SEMA4D: variants seen among roughly 807,000 people sequenced by gnomAD.
SEMA4D encodes semaphorin-4D.
Under a neutral mutation model 74.8 loss-of-function variants are expected in SEMA4D, and 22 were observed. The observed-to-expected ratio is 0.29, with a 90% CI of 0.21 to 0.42. SEMA4D has a LOEUF of 0.42. SEMA4D is among the 10% of genes least tolerant of loss of function. The pLI is 1.00. For missense variants in SEMA4D, 937 were observed against 1,118.4 expected, an observed-to-expected ratio of 0.84 and a Z score of 2.31; for synonymous variants, 445 against 463.7, an observed-to-expected ratio of 0.96 and a Z score of 0.52.
intron 4 of SEMA4D, among the ~76,000 whole-genome samples, chr9:89,399,656 C>T (rs1841744446): frequency 6.6e-6 from 1 of 152,148 alleles, no homozygotes; most frequent in South Asian, 2.1e-4. Flanking sequence ...AAAACCTAAA[C>T]CATAAGTATT....
At chr9:89,363,924 C>T in exon 17 of SEMA4D, 2 of 1,614,092 alleles carry the variant, frequency 1.2e-6, no homozygotes, top group Non-Finnish European at 1.7e-6. Flanking sequence ...CCATTCTTCT[C>T]CCAGACAAAG....
intron 4 of SEMA4D, among the ~76,000 whole-genome samples, chr9:89,400,645 C>G (rs897821458): frequency 1.3e-5 from 2 of 152,188 alleles, no homozygotes; most frequent in African/African-American, 2.4e-5. Flanking sequence ...TTTAAAATAG[C>G]CACTTCCTTC....
At chr9:89,466,731 C>T (rs1564895802) in intron 1 of SEMA4D, among the ~76,000 whole-genome samples, 1 of 152,232 alleles carries the variant, frequency 6.6e-6, no homozygotes, top group Non-Finnish European at 1.5e-5. Context: ...CTGCAGCCTA[C>T]ATGGACTGTG....
At chr9:89,383,930 C>G (rs570813365) in intron 13 of SEMA4D, among the ~76,000 whole-genome samples, 1 of 152,098 alleles carries the variant, frequency 6.6e-6, no homozygotes, top group South Asian at 2.1e-4. Flanking sequence ...CTCTCATGCT[C>G]CCATCTCTGT....
At chr9:89,480,202 G>A (rs1260014930) in intron 1 of SEMA4D, among the ~76,000 whole-genome samples, 1 of 152,154 alleles carries the variant, frequency 6.6e-6, no homozygotes, top group East Asian at 1.9e-4. Flanking sequence ...GGTTCTCCAC[G>A]TCCTCACCAG....
chr9:89,457,236 C>T (rs1856156497), intron 1 of SEMA4D, among the ~76,000 whole-genome samples: 1 of 151,974 alleles, frequency 6.6e-6, no homozygotes, highest in Non-Finnish European at 1.5e-5. Flanking sequence ...GAAACCAGCG[C>T]CTGACAGGTG....
chr9:89,386,795 A>T, intron 12 of SEMA4D: 1 of 303,890 alleles, frequency 3.3e-6, no homozygotes, highest in Non-Finnish European at 6.3e-6. Flanking sequence ...GGGGGCTCCC[A>T]TGCTCCACCA....
At chr9:89,471,889 A>G (rs1860415138) in intron 1 of SEMA4D, among the ~76,000 whole-genome samples, 3 of 121,988 alleles carry the variant, frequency 2.5e-5, no homozygotes, top group Middle Eastern at 6.7e-3. Context: ...TGCAAGCCAG[A>G]CAGGGTGCAC....
At chr9:89,458,453 C>A (rs1856473526) in intron 1 of SEMA4D, among the ~76,000 whole-genome samples, 1 of 152,096 alleles carries the variant, frequency 6.6e-6, no homozygotes, top group African/African-American at 2.4e-5. Context: ...CACACAGTTC[C>A]CTTCCTGGGC....
At chr9:89,396,276 A>AG (rs1443933462) in intron 6 of SEMA4D, among the ~76,000 whole-genome samples, 2 of 152,220 alleles carry the variant, frequency 1.3e-5, no homozygotes, top group African/African-American at 4.8e-5. Context: ...CACACAAGCC[A>AG]GGAGCAAGTC....
chr9:89,475,518 C>T (rs1861528446), intron 1 of SEMA4D, among the ~76,000 whole-genome samples: 1 of 152,210 alleles, frequency 6.6e-6, no homozygotes, highest in Admixed American at 6.5e-5. Flanking sequence ...CACTTGTTCA[C>T]CCATCAATCA....
intron 1 of SEMA4D, among the ~76,000 whole-genome samples, chr9:89,461,398 A>T (rs1008567240): frequency 4.6e-5 from 7 of 152,160 alleles, no homozygotes; most frequent in African/African-American, 4.8e-5. Flanking sequence ...CACAGAGAGA[A>T]GCACGTCAAT....
chr9:89,387,640 C>G, intron 11 of SEMA4D, 32 bp from the exon 12 acceptor site: 1 of 1,599,252 alleles, frequency 6.3e-7, no homozygotes, highest in African/African-American at 1.3e-5. Flanking sequence ...TGTTAACGTG[C>G]TCGTGTCCCA....
chr9:89,474,070 G>A (rs909099927), intron 1 of SEMA4D, among the ~76,000 whole-genome samples: 1 of 151,960 alleles, frequency 6.6e-6, no homozygotes, highest in Non-Finnish European at 1.5e-5. Context: ...CTGCCTTCAC[G>A]GTCCCCATCC....
At chr9:89,456,821 C>G (rs1856048101) in intron 1 of SEMA4D, among the ~76,000 whole-genome samples, 3 of 152,192 alleles carry the variant, frequency 2.0e-5, no homozygotes, top group Admixed American at 1.3e-4. Flanking sequence ...AACTCCTGAC[C>G]TAAAGTGATC....
intron 1 of SEMA4D, among the ~76,000 whole-genome samples, chr9:89,478,921 G>A (rs919101895): frequency 3.9e-5 from 6 of 152,164 alleles, no homozygotes; most frequent in Non-Finnish European, 8.8e-5. Context: ...GAGCCTCAGC[G>A]GGCCCCAGCT....
At chr9:89,475,949 G>A (rs72750925) in intron 1 of SEMA4D, among the ~76,000 whole-genome samples, 3,342 of 152,324 alleles carry the variant, frequency 0.022, 65 homozygotes, top group South Asian at 0.075. Context: ...GTTTTTGGAA[G>A]GAGGACAACA....
downstream of SEMA4D, chr9:89,376,611 GT>G (rs1835818501): frequency 3.4e-6 from 2 of 580,868 alleles, no homozygotes; most frequent in African/African-American, 3.7e-5. Flanking sequence ...GAAAACACTG[GT>G]TGACCCCTGT....
chr9:89,362,358 TC>T (rs771083976), exon 19 of SEMA4D: 3 of 1,613,516 alleles, frequency 1.9e-6, no homozygotes, highest in Non-Finnish European at 2.5e-6. Context: ...GGCAGCAGGG[TC>T]TTGTTGGGGT....
Sources: gnomAD v4.1 joint callset for allele counts (sites outside exome capture counted in the v4.1 genomes callset) on GRCh38, gnomAD v4.1.1 for gene constraint, MANE v1.5 for transcripts, NCBI Gene and HGNC (gene_info 2026-07-23, HGNC 2026-07-21) for gene names.